UNC5C: variants seen among roughly 807,000 people sequenced by gnomAD.
The protein encoded by UNC5C is netrin receptor UNC5C.
Under a neutral mutation model 99.8 loss-of-function variants are expected in UNC5C, and 47 were observed. That is an observed-to-expected ratio of 0.47 (90% CI 0.37 to 0.60). The LOEUF (loss-of-function observed/expected upper bound fraction) is 0.60, where lower values mean the gene tolerates loss of function less well. Ranked by LOEUF, UNC5C falls within the 20% of genes least tolerant of loss-of-function variation. The probability of loss-of-function intolerance (pLI) is 0.00; values close to 1 mark genes in which losing one functional copy is unlikely to be tolerated. For synonymous variants in UNC5C, 487 were observed against 452.2 expected, an observed-to-expected ratio of 1.08 and a Z score of -0.98; for missense variants, 1,062 against 1,165.9, an observed-to-expected ratio of 0.91 and a Z score of 1.30.
chr4:95,326,836 G>T (rs1742901660), intron 2 of UNC5C, among the ~76,000 whole-genome samples: 1 of 152,020 alleles, frequency 6.6e-6, no homozygotes, highest in Admixed American at 6.6e-5. Context: ...TGTCTTGCAG[G>T]TTTTTAATAT....
At chr4:95,293,484 ATT>A (rs1021635011) in intron 3 of UNC5C, among the ~76,000 whole-genome samples, 1 of 150,444 alleles carries the variant, frequency 6.6e-6, no homozygotes, top group Non-Finnish European at 1.5e-5. Flanking sequence ...CACTTGGTTA[ATT>A]TTTTTTGGCT....
intron 4 of UNC5C, among the ~76,000 whole-genome samples, chr4:95,254,995 TG>T: frequency 1.3e-5 from 2 of 151,710 alleles, no homozygotes; most frequent in East Asian, 3.9e-4. Flanking sequence ...TGTTGTTTTT[TG>T]TTTTTTTTTT....
At chr4:95,237,414 G>A (rs566544612) in intron 7 of UNC5C, among the ~76,000 whole-genome samples, 84 of 152,158 alleles carry the variant, frequency 5.5e-4, no homozygotes, top group Non-Finnish European at 8.1e-4. Context: ...TTAACATTTA[G>A]CATTATTATA....
intron 1 of UNC5C, among the ~76,000 whole-genome samples, chr4:95,409,551 C>A (rs912228246): frequency 6.6e-6 from 1 of 152,186 alleles, no homozygotes; most frequent in African/African-American, 2.4e-5. Context: ...ATTGCATTCA[C>A]AATTGCCTTT....
Position 95,537,029 on chromosome 4 carries a change from A to G in UNC5C, c.124+11705T>C, listed in dbSNP as rs77392591. 8.0e-3 allele frequency among the ~76,000 whole-genome samples: 1,221 copies of G among 152,270 alleles called. 7 individuals carry two copies. Among genetic ancestry groups the G allele is most frequent in the South Asian group, 0.011 (55 of 4,830 alleles). On this transcript the variant is annotated intron_variant, in intron 1 of 15. Transcript: ENST00000453304. The stretch of plus-strand genomic sequence containing the variant: ...ATGAAAATCTATTAACATAGGGGGA[A>G]ATCTCTGCCACCCCACTACGGTTAA...
At chr4:95,176,964 G>A (rs1457754919) in intron 14 of UNC5C, among the ~76,000 whole-genome samples, 3 of 126,352 alleles carry the variant, frequency 2.4e-5, no homozygotes, top group African/African-American at 5.3e-5. Flanking sequence ...TTTTAAGCCC[G>A]TGGGAAAAGC....
At chr4:95,281,289 C>T (rs1741051377) in intron 3 of UNC5C, among the ~76,000 whole-genome samples, 1 of 152,136 alleles carries the variant, frequency 6.6e-6, no homozygotes, top group South Asian at 2.1e-4. Flanking sequence ...TATTCATTGT[C>T]TCCATATGGT....
chr4:95,434,286 T>G (rs1746713356), intron 1 of UNC5C, among the ~76,000 whole-genome samples: 1 of 152,112 alleles, frequency 6.6e-6, no homozygotes, highest in African/African-American at 2.4e-5. Context: ...ATAATCAATT[T>G]ATAAATTTAT....
intron 7 of UNC5C, among the ~76,000 whole-genome samples, chr4:95,220,658 A>T (rs1738438232): frequency 6.6e-6 from 1 of 152,216 alleles, no homozygotes; most frequent in Non-Finnish European, 1.5e-5. Context: ...GACTTTCCAT[A>T]GCACTCTTCT....
rs188601649 is a variant in UNC5C at position 95,454,809 on chromosome 4, A to G, written c.124+93925T>C. ...GGTTGTCATTGTGGTTAATAGCATA[A>G]ACTGTTGACACCTATAAAACTCATT... On this transcript the variant is annotated intron_variant, in intron 1 of 15. Transcript: ENST00000453304. 1.5e-4 allele frequency among the ~76,000 whole-genome samples: 23 copies of G among 152,246 alleles called. No individual in the cohort carries two copies. In the East Asian group the frequency reaches 4.4e-3, roughly 29 times the overall value.
chr4:95,188,245 A>G (rs1736914395), intron 12 of UNC5C, among the ~76,000 whole-genome samples: 1 of 152,138 alleles, frequency 6.6e-6, no homozygotes, highest in African/African-American at 2.4e-5. Flanking sequence ...TGAAGGATTC[A>G]GTAACCTTAC....
chr4:95,247,360 G>A (rs1442579397), intron 5 of UNC5C, among the ~76,000 whole-genome samples: 1 of 152,024 alleles, frequency 6.6e-6, no homozygotes, highest in Non-Finnish European at 1.5e-5. Context: ...GATAGGTAGG[G>A]TTTCAGTGAG....
At chr4:95,186,940 C>A (rs554884256) in intron 12 of UNC5C, among the ~76,000 whole-genome samples, 1 of 152,126 alleles carries the variant, frequency 6.6e-6, no homozygotes, top group Non-Finnish European at 1.5e-5. Context: ...CAGACCCATC[C>A]AGCCTTGAGT....
chr4:95,185,250 T>C, intron 12 of UNC5C, 54 bp from the exon 13 acceptor site: 2 of 1,539,324 alleles, frequency 1.3e-6, no homozygotes, highest in East Asian at 4.6e-5. Context: ...ATCACTTCTG[T>C]CAGCTCTCTC....
intron 3 of UNC5C, among the ~76,000 whole-genome samples, chr4:95,284,616 T>A (rs552382540): frequency 6.6e-6 from 1 of 152,166 alleles, no homozygotes; most frequent in South Asian, 2.1e-4. Context: ...AGAAATTTGG[T>A]ATTTAAAAAA....
intron 1 of UNC5C, among the ~76,000 whole-genome samples, chr4:95,386,763 G>A (rs1745222400): frequency 6.6e-6 from 1 of 152,140 alleles, no homozygotes; most frequent in African/African-American, 2.4e-5. Flanking sequence ...AACGAATGCT[G>A]GAGCTGTTCT....
intron 8 of UNC5C, 37 bp from the exon 9 acceptor site, chr4:95,219,350 TCCATTCAGGCCAACCTACA>T: frequency 6.3e-7 from 1 of 1,583,644 alleles, no homozygotes. Context: ...ATTGGCATTC[TCCATTCAGGCCAACCTACA>T]TTAGTCAGAC....
chr4:95,265,493 T>C (rs1163685047), intron 4 of UNC5C, among the ~76,000 whole-genome samples: 1 of 152,166 alleles, frequency 6.6e-6, no homozygotes, highest in Non-Finnish European at 1.5e-5. Flanking sequence ...TTTTCATTAT[T>C]TATGAAGTGT....
intron 4 of UNC5C, among the ~76,000 whole-genome samples, chr4:95,254,170 CT>C (rs761210533): frequency 1.3e-5 from 2 of 152,080 alleles, no homozygotes; most frequent in Non-Finnish European, 2.9e-5. Flanking sequence ...AATTTTGACT[CT>C]TTTTTTGTTT....
Sources: gnomAD v4.1 joint callset for allele counts (sites outside exome capture counted in the v4.1 genomes callset) on GRCh38, gnomAD v4.1.1 for gene constraint, MANE v1.5 for transcripts, NCBI Gene and HGNC (gene_info 2026-07-23, HGNC 2026-07-21) for gene names.